RHOBTB2: variants seen among roughly 807,000 people sequenced by gnomAD.
RHOBTB2 encodes the protein Rho related BTB domain containing 2.
RHOBTB2 carries 39 observed loss-of-function variants against 66.5 expected under a neutral mutation model. The observed-to-expected ratio is 0.59, with a 90% confidence interval of 0.45 to 0.77. The LOEUF (loss-of-function observed/expected upper bound fraction) is 0.77. Among genes scored for constraint, RHOBTB2 ranks in the 30% least tolerant of loss-of-function variants. The pLI is 0.00. For missense variants in RHOBTB2, 755 were observed against 999.1 expected, an observed-to-expected ratio of 0.76 and a Z score of 3.29; for synonymous variants, 390 against 395.0, an observed-to-expected ratio of 0.99 and a Z score of 0.15.
chr8:22,963,236 T>C, the RHOBTB2 span, among the ~76,000 whole-genome samples: 1 of 152,192 alleles, frequency 6.6e-6, no homozygotes, highest in East Asian at 1.9e-4. Context: ...GACAACTGAC[T>C]TAAGTTTATA....
the RHOBTB2 span, among the ~76,000 whole-genome samples, chr8:22,970,595 T>C: frequency 7.2e-6 from 1 of 139,586 alleles, no homozygotes; most frequent in Non-Finnish European, 1.5e-5. Context: ...AGGGCAAGAC[T>C]CTGTCCCTAA....
chr8:23,009,023 A>T (rs1248081432), intron 6 of RHOBTB2, among the ~76,000 whole-genome samples: 2 of 152,114 alleles, frequency 1.3e-5, no homozygotes, highest in Non-Finnish European at 2.9e-5. Flanking sequence ...TTGTCAAAGC[A>T]ACAAAATACA....
the RHOBTB2 span, among the ~76,000 whole-genome samples, chr8:22,973,874 C>T: frequency 6.6e-6 from 1 of 151,972 alleles, no homozygotes; most frequent in East Asian, 1.9e-4. Context: ...CCTGCCCCAC[C>T]GGCATCTTCT....
chr8:22,982,318 C>T, the RHOBTB2 span, among the ~76,000 whole-genome samples: 1 of 152,168 alleles, frequency 6.6e-6, no homozygotes, highest in Non-Finnish European at 1.5e-5. Context: ...TCTTGCCACT[C>T]CTCATTCTCA....
the RHOBTB2 span, among the ~76,000 whole-genome samples, chr8:22,978,894 C>T: frequency 6.6e-6 from 1 of 152,074 alleles, no homozygotes; most frequent in South Asian, 2.1e-4. Context: ...GTTTTCTTAT[C>T]TTTGAAAGTA....
chr8:22,953,685 T>C, the RHOBTB2 span, among the ~76,000 whole-genome samples: 1 of 152,082 alleles, frequency 6.6e-6, no homozygotes, highest in African/African-American at 2.4e-5. Flanking sequence ...CTGTACATCA[T>C]AGGCACTAAG....
At chr8:23,009,189 G>GA (rs1351482608) in intron 6 of RHOBTB2, among the ~76,000 whole-genome samples, 4 of 51,158 alleles carry the variant, frequency 7.8e-5, no homozygotes, top group South Asian at 7.4e-4. Context: ...AGAGAGAAAA[G>GA]AAGGAAGGGA....
chr8:22,979,742 C>CTTTTTTTTTTTTTTTTTTTTTTTTTT, the RHOBTB2 span, among the ~76,000 whole-genome samples: 3 of 84,094 alleles, frequency 3.6e-5, no homozygotes, highest in Non-Finnish European at 7.1e-5. Context: ...TCTTTTCTTT[C>CTTTTTTTTTTTTTTTTTTTTTTTTTT]TTTTTTTTTT....
the RHOBTB2 span, among the ~76,000 whole-genome samples, chr8:22,965,315 A>G: frequency 6.6e-6 from 1 of 152,232 alleles, no homozygotes. Flanking sequence ...TCTTTTGTTC[A>G]TAGATTGGAA....
chr8:23,001,947 C>G (rs1810798634), intron 1 of RHOBTB2, among the ~76,000 whole-genome samples: 1 of 152,206 alleles, frequency 6.6e-6, no homozygotes, highest in Non-Finnish European at 1.5e-5. Flanking sequence ...CTGACCACTG[C>G]TTAACTCTAG....
rs1385071768 is a variant in RHOBTB2, at chr8:23,004,368, G to A, written c.-10-57G>A. 9.4e-6 allele frequency: 14 copies of A among 1,481,622 alleles called. No individual in the cohort carries two copies. Among genetic ancestry groups the A allele is most frequent in the African/African-American group, 1.4e-5 (1 of 72,154 alleles). 91.8% of individuals were successfully genotyped at this position (1,481,622 alleles called of 1,614,324 possible). A position where few individuals can be genotyped will look rare whatever the true frequency, so the allele number is the denominator to read the frequency against. ...GAGGAGAGCTGCGGGTGCTGGCCCTGGCCCACGGCGAGCTGGCATGCCATG... is the reference window on the plus strand; with the variant it reads ...GAGGAGAGCTGCGGGTGCTGGCCCTAGCCCACGGCGAGCTGGCATGCCATG... On this transcript the variant is annotated intron_variant, in intron 1 of 9. Coordinates refer to ENST00000251822, the MANE Select transcript of RHOBTB2 (RefSeq NM_015178.3). The surrounding 1 kb of genome is among the most constrained non-coding windows in gnomAD (Gnocchi z 6.4).
chr8:22,954,001 A>G, the RHOBTB2 span, among the ~76,000 whole-genome samples: 5 of 152,238 alleles, frequency 3.3e-5, no homozygotes, highest in Non-Finnish European at 1.5e-5. Flanking sequence ...ATATAAGTGA[A>G]TAATCGCTAT....
rs764702883 is a variant in RHOBTB2 at position 23,006,138 on chromosome 8, T to C, written c.475T>C (p.Leu159=). 4 of 1,611,936 alleles carry C rather than the reference T, an allele frequency of 2.5e-6. No homozygotes were observed. The East Asian group carries it at 8.9e-5, about 36-fold the overall frequency. ...LEAVNRARRP[L]ARPIKPNEIL... ...GGCTGTCAACAGGGCTAGGCGACCC[T>C]TGGCTAGGTAGGAGGTGCTGGTACC... Residue 159 remains leucine, a synonymous_variant, in exon 4 of 10, where the codon TTG becomes CTG. Coordinates refer to ENST00000251822, the MANE Select transcript of RHOBTB2 (RefSeq NM_015178.3). This position sits in a 1 kb window ranked among gnomAD's most constrained non-coding sequence, Gnocchi z 6.1.
Position 23,017,260 on chromosome 8 carries a change from G to A in RHOBTB2, c.1975G>A (p.Glu659Lys), listed in dbSNP as rs2128808648. 2 of 1,614,126 alleles carry A rather than the reference G, an allele frequency of 1.2e-6. No individual in the cohort carries two copies. The highest frequency in any genetic ancestry group is 2.7e-5 in the African/African-American group (2 of 75,052). ...DMKAMSPENQ[E>K]YFEKHRWPPV... The stretch of plus-strand genomic sequence containing the variant: ...CCTGCTCTCTGCTCCAGAAAACCAG[G>A]AGTATTTCGAGAAGCATCGGTGGCC... Residue 659 changes from glutamate to lysine, a missense_variant, in exon 10 of 10, where the codon GAG (glutamate) becomes AAG (lysine). Glu to Lys is a moderately conservative substitution (Grantham distance 56, BLOSUM62 1). Transcript: ENST00000251822. This position sits in a 1 kb window ranked among gnomAD's most constrained non-coding sequence, Gnocchi z 5.3.
chr8:23,001,993 T>G (rs1341574895), intron 1 of RHOBTB2, among the ~76,000 whole-genome samples: 1 of 152,200 alleles, frequency 6.6e-6, no homozygotes, highest in Non-Finnish European at 1.5e-5. Flanking sequence ...AGTGTTTTCA[T>G]CACAAAGTAG....
intron 1 of RHOBTB2, among the ~76,000 whole-genome samples, chr8:22,988,158 T>C (rs1421793117): frequency 2.1e-5 from 3 of 140,482 alleles, no homozygotes; most frequent in African/African-American, 7.9e-5. Flanking sequence ...TTCCCCTTTT[T>C]TTTTTTTTTT....
chr8:23,004,270 C>T lies in RHOBTB2; in HGVS notation c.-10-155C>T, dbSNP rs974987799. The stretch of plus-strand genomic sequence containing the variant: ...CCTGGCCCCTTGGACCCTCGCAGAG[C>T]TCTTGCCCAGAACGTTGCCCACTCC... On this transcript the variant is annotated intron_variant, in intron 1 of 9. Coordinates refer to ENST00000251822, the MANE Select transcript of RHOBTB2 (RefSeq NM_015178.3). This position sits in a 1 kb window ranked among gnomAD's most constrained non-coding sequence, Gnocchi z 6.4. The T allele has an allele frequency of 3.7e-5, 25 of 677,694 alleles. No homozygotes were observed. Among genetic ancestry groups the T allele is most frequent in the Non-Finnish European group, 5.8e-5 (22 of 382,562 alleles). The allele number at this position is 677,694 out of a possible 1,614,324, so 42.0% of individuals were successfully genotyped here.
Position 23,006,869 on chromosome 8 carries a change from C to A in RHOBTB2, c.624C>A (p.Leu208=). 1.9e-6 allele frequency: 3 copies of A among 1,614,150 alleles called. No homozygotes were observed. Among genetic ancestry groups the A allele is most frequent in the Non-Finnish European group, 8.5e-7 (1 of 1,180,018 alleles). ...TTGACAACGCCATCCGAGCTGCACT[C>A]ATCTCCCGCCGCCACCTGCAGTTCT... ...DVFDNAIRAA[L]ISRRHLQFWK... The change falls in exon 5 of 10, where the codon CTC becomes CTA. Residue 208 remains leucine, a synonymous_variant. Coordinates refer to ENST00000251822, the MANE Select transcript of RHOBTB2 (RefSeq NM_015178.3). The surrounding 1 kb of genome is among the most constrained non-coding windows in gnomAD (Gnocchi z 6.1).
upstream of RHOBTB2, among the ~76,000 whole-genome samples, chr8:22,998,724 CAAAA>C (rs555614764): frequency 0.032 from 2,571 of 81,274 alleles, 67 homozygotes; most frequent in African/African-American, 0.11. Flanking sequence ...GAGGGAGACT[CAAAA>C]AAAAAAAAAA....
Sources: allele counts gnomAD v4.1 joint callset (sites outside exome capture counted in the v4.1 genomes callset), GRCh38; gene constraint gnomAD v4.1.1; non-coding constraint Gnocchi (gnomAD v3.1); transcripts MANE v1.5; gene names NCBI Gene and HGNC (gene_info 2026-07-23, HGNC 2026-07-21).